Variants in KREMEN1 observed in about 807,000 individuals in gnomAD.
The protein encoded by KREMEN1 is kringle containing transmembrane protein 1.
Under a neutral mutation model 46.5 loss-of-function variants are expected in KREMEN1, and 30 were observed. The observed-to-expected ratio is 0.65, with a 90% CI of 0.48 to 0.88. KREMEN1 has a LOEUF of 0.88. Among genes scored for constraint, KREMEN1 ranks in the 40% least tolerant of loss-of-function variants. The pLI is 0.00. For missense variants in KREMEN1, 533 were observed against 596.9 expected, an observed-to-expected ratio of 0.89 and a Z score of 1.11; for synonymous variants, 214 against 230.6, an observed-to-expected ratio of 0.93 and a Z score of 0.65.
intron 9 of KREMEN1, among the ~76,000 whole-genome samples, chr22:29,160,563 A>T (rs2145874954): frequency 6.8e-6 from 1 of 147,684 alleles, no homozygotes; most frequent in African/African-American, 2.5e-5. Context: ...AAAAAAAAAA[A>T]TTAAGAAGAT....
chr22:29,165,122 G>A (rs1467494231), intron 9 of KREMEN1, among the ~76,000 whole-genome samples: 7 of 151,560 alleles, frequency 4.6e-5, no homozygotes, highest in South Asian at 2.1e-4. Context: ...GCTGTGAGCC[G>A]AGGTTGTGCC....
chr22:29,144,842 T>C lies in KREMEN1; in HGVS notation c.*2730T>C, dbSNP rs2038828595. 1 of 985,528 alleles carries C rather than the reference T, an allele frequency of 1.0e-6. No homozygotes were observed. The highest frequency in any genetic ancestry group is 1.2e-6 in the Non-Finnish European group (1 of 829,994). 61.0% of individuals were successfully genotyped at this position (985,528 alleles called of 1,614,324 possible). A position where few individuals can be genotyped will look rare whatever the true frequency, so the allele number is the denominator to read the frequency against. Reference sequence around the variant, plus strand: ...TCAGGGGAGGCCATGCCCAAGCCAATGTGCTGTCACAGCCTGCAGCGGGGG... The same window carrying C: ...TCAGGGGAGGCCATGCCCAAGCCAACGTGCTGTCACAGCCTGCAGCGGGGG... On this transcript the variant is annotated 3_prime_UTR_variant, in exon 9 of 9. Transcript: ENST00000400335.
intron 5 of KREMEN1, among the ~76,000 whole-genome samples, chr22:29,132,092 A>G (rs6006016): frequency 0.051 from 7,729 of 151,838 alleles, 670 homozygotes; most frequent in African/African-American, 0.18. Context: ...GGCTGGTCTC[A>G]AACTCCGGAC....
intron 3 of KREMEN1, among the ~76,000 whole-genome samples, chr22:29,121,006 C>T (rs1019459018): frequency 6.6e-6 from 1 of 151,954 alleles, no homozygotes; most frequent in African/African-American, 2.4e-5. Context: ...CCTCTGGTAA[C>T]TCTGAAACAT....
chr22:29,118,016 C>T (rs1358419463), intron 3 of KREMEN1, among the ~76,000 whole-genome samples: 1 of 152,170 alleles, frequency 6.6e-6, no homozygotes, highest in East Asian at 1.9e-4. Flanking sequence ...AAGCTGCAAG[C>T]CAGGTGTCTA....
chr22:29,164,915 C>T lies in KREMEN1; in HGVS notation c.1417-2129C>T, dbSNP rs8136120. The stretch of plus-strand genomic sequence containing the variant: ...TTTGGCCAGGCATGGTAGCTCAGGC[C>T]TCTAATCCCAGCACTTTGGGAGGCC... On this transcript the variant is annotated intron_variant, in intron 9 of 9. Coordinates refer to the KREMEN1 transcript ENST00000327813. Among the ~76,000 whole-genome samples the T allele has an allele frequency of 5.0e-3, 761 of 152,070 alleles. 4 individuals are homozygous for T. The highest frequency in any genetic ancestry group is 0.02 in the Middle Eastern group (6 of 294).
At chr22:29,152,730 G>A (rs573525108) in intron 9 of KREMEN1, among the ~76,000 whole-genome samples, 1 of 152,214 alleles carries the variant, frequency 6.6e-6, no homozygotes, top group South Asian at 2.1e-4. Context: ...CTAAAGACAG[G>A]GTCTCACTCT....
Position 29,137,514 on chromosome 22 carries a change from C to T in KREMEN1, c.804C>T (p.Asp268=), listed in dbSNP as rs781063863. The part of the protein sequence containing the change: ...FPLFDIRDSA[D]MVELLDGYTH... ...TATTTGACATCAGGGACTCGGCGGA[C>T]ATGGTGGAGCTTCTGGATGGCTACA... Residue 268 remains aspartate, a synonymous_variant, in exon 6 of 9, where the codon GAC becomes GAT. Coordinates refer to ENST00000400335, the MANE Select transcript of KREMEN1 (RefSeq NM_001039570.3). 4.3e-6 allele frequency: 7 copies of T among 1,612,008 alleles called. No individual in the cohort carries two copies. The highest frequency in any genetic ancestry group is 1.1e-5 in the South Asian group (1 of 91,044).
At position 29,090,383 on chromosome 22, in the gene KREMEN1, G is replaced by A. The variant is rs1239778908; in HGVS notation, c.98-3875G>A. ...CAGCAGACACTGGGGTCTACTTGAG[G>A]GTGGAGGGTGGGAGGAGGGAGATCA... On this transcript the variant is annotated intron_variant, in intron 1 of 8. Coordinates refer to ENST00000400335, the MANE Select transcript of KREMEN1 (RefSeq NM_001039570.3). Among the ~76,000 whole-genome samples, 10 of 152,300 alleles carry A rather than the reference G, an allele frequency of 6.6e-5. No individual in the cohort carries two copies. In the East Asian group the frequency reaches 1.7e-3, roughly 26 times the overall value.
chr22:29,075,827 A>G (rs1390363675), intron 1 of KREMEN1, among the ~76,000 whole-genome samples: 2 of 152,214 alleles, frequency 1.3e-5, no homozygotes, highest in South Asian at 4.1e-4. Flanking sequence ...AATTATTTCA[A>G]TATTTATATT....
intron 3 of KREMEN1, among the ~76,000 whole-genome samples, chr22:29,115,920 A>G (rs2038232101): frequency 6.6e-6 from 1 of 152,214 alleles, no homozygotes; most frequent in Non-Finnish European, 1.5e-5. Context: ...GCTGAAGGGT[A>G]GACAGGTCAT....
At chr22:29,101,169 T>C (rs1435486089) in intron 3 of KREMEN1, among the ~76,000 whole-genome samples, 1 of 147,428 alleles carries the variant, frequency 6.8e-6, no homozygotes, top group East Asian at 2.0e-4. Context: ...CAAGAATCAC[T>C]TGAACCTGGG....
intron 4 of KREMEN1, 184 bp from the exon 5 acceptor site, chr22:29,125,079 T>C (rs1270217289): frequency 1.6e-6 from 1 of 631,586 alleles, no homozygotes; most frequent in Non-Finnish European, 2.8e-6. Flanking sequence ...ACATTGGTGG[T>C]TGCGTACTTA....
chr22:29,154,699 C>G (rs2038946234), intron 9 of KREMEN1: 1 of 152,374 alleles, frequency 6.6e-6, no homozygotes. Context: ...CCTTCCATTA[C>G]AGTTACACGG....
At chr22:29,091,635 T>G (rs1316713375) in intron 1 of KREMEN1, among the ~76,000 whole-genome samples, 1 of 152,182 alleles carries the variant, frequency 6.6e-6, no homozygotes, top group Admixed American at 6.6e-5. Context: ...CAGAACCACC[T>G]GGGCTGCCTT....
At chr22:29,098,547 A>G (rs1237038631) in intron 2 of KREMEN1, among the ~76,000 whole-genome samples, 2 of 152,182 alleles carry the variant, frequency 1.3e-5, no homozygotes, top group South Asian at 2.1e-4. Flanking sequence ...CCATGCTCAC[A>G]TTCAAGGTGC....
intron 1 of KREMEN1, among the ~76,000 whole-genome samples, chr22:29,076,601 A>G (rs925708266): frequency 6.6e-6 from 1 of 152,242 alleles, no homozygotes; most frequent in Non-Finnish European, 1.5e-5. Context: ...CTGTAATCCC[A>G]GCATTTTGGG....
intron 9 of KREMEN1, chr22:29,166,905 G>C (rs132317): frequency 0.89 from 602,735 of 676,040 alleles, 270,820 homozygotes; most frequent in Admixed American, 0.93. Flanking sequence ...CGCACTCCAG[G>C]CTGGGTGACA....
At chr22:29,165,517 G>C (rs1256609195) in intron 9 of KREMEN1, among the ~76,000 whole-genome samples, 1 of 152,198 alleles carries the variant, frequency 6.6e-6, no homozygotes, top group African/African-American at 2.4e-5. Flanking sequence ...GAAGCCAGGA[G>C]GTGGGGCTCA....
Sources: allele counts gnomAD v4.1 joint callset (sites outside exome capture counted in the v4.1 genomes callset), GRCh38; gene constraint gnomAD v4.1.1; transcripts MANE v1.5; gene names NCBI Gene and HGNC (gene_info 2026-07-23, HGNC 2026-07-21).